Variants in CACNA1B observed in about 807,000 individuals in gnomAD.
The protein encoded by CACNA1B is calcium voltage-gated channel subunit alpha1 B.
In CACNA1B, 70 loss-of-function variants were observed where a neutral mutation model predicts 247.2. The ratio of observed to expected loss-of-function variants is 0.28; its 90% confidence interval spans 0.23 to 0.35. The LOEUF is 0.35. Among genes scored for constraint, CACNA1B ranks in the 10% least tolerant of loss-of-function variants. The pLI is 1.00. For synonymous variants in CACNA1B, 1,231 were observed against 1,294.4 expected (o/e 0.95, Z 1.05); for missense variants, 2,367 against 3,197.4 (o/e 0.74, Z 6.26).
Position 137,913,097 on chromosome 9 carries a change from G to A in CACNA1B, c.531-83G>A. 1 of 1,057,472 alleles carries A rather than the reference G, an allele frequency of 9.5e-7. No individual in the cohort carries two copies. The highest frequency in any genetic ancestry group is 1.4e-6 in the Non-Finnish European group (1 of 694,484). The allele number at this position is 1,057,472 out of a possible 1,614,324, so 65.5% of individuals were successfully genotyped here. On this transcript the variant is annotated intron_variant, in intron 3 of 46. Coordinates refer to ENST00000371372, the MANE Select transcript of CACNA1B (RefSeq NM_000718.4). This position sits in a 1 kb window ranked among gnomAD's most constrained non-coding sequence, Gnocchi z 5.2. ...AGGTGTCACTGCTCTTGGGAGACAT[G>A]ACCCTGGTGGTGGGAGGAGTGTGTC...
Position 138,020,285 on chromosome 9 carries a change from C to A in CACNA1B, c.2268-2726C>A, listed in dbSNP as rs1958828330. On this transcript the variant is annotated intron_variant, in intron 18 of 46. Transcript: ENST00000371372. The surrounding 1 kb of genome is among the most constrained non-coding windows in gnomAD (Gnocchi z 4.1). The stretch of plus-strand genomic sequence containing the variant: ...ACCCAGCTGAGCATGGCTGAGCCCT[C>A]CTCCCTGGAACAGCTGGGTTGTGCC... 6.6e-6 allele frequency among the ~76,000 whole-genome samples: 1 copy of A among 152,160 alleles called. No homozygotes were observed. The highest frequency in any genetic ancestry group is 1.5e-5 in the Non-Finnish European group (1 of 68,020).
At chr9:138,088,090 CA>C (rs1960759487) in intron 36 of CACNA1B, among the ~76,000 whole-genome samples, 1 of 151,874 alleles carries the variant, frequency 6.6e-6, no homozygotes, top group Non-Finnish European at 1.5e-5. Flanking sequence ...AAAATATAGC[CA>C]GGTGCGGTGG....
At chr9:137,969,330 C>T (rs924391479) in intron 10 of CACNA1B, among the ~76,000 whole-genome samples, 2 of 152,190 alleles carry the variant, frequency 1.3e-5, no homozygotes, top group Non-Finnish European at 2.9e-5. Context: ...TGTGCAAATA[C>T]GGCTGTTGGC....
In CACNA1B at chr9:138,059,003, C is replaced by T. The variant is rs1024553266; in HGVS notation, c.4474-76C>T. On this transcript the variant is annotated intron_variant, in intron 29 of 46. Coordinates refer to ENST00000371372, the MANE Select transcript of CACNA1B (RefSeq NM_000718.4). The surrounding 1 kb of genome is among the most constrained non-coding windows in gnomAD (Gnocchi z 4.2). ...CATCGAGTTCTGTCTGCCCGCTTTG[C>T]TTGGTCATAGTGGTCCCAGATGGGG... is the stretch of plus-strand genomic sequence containing the variant. The T allele has an allele frequency of 5.6e-6, 5 of 890,300 alleles. No individual in the cohort carries two copies. The highest frequency in any genetic ancestry group is 9.2e-6 in the Non-Finnish European group (5 of 541,694). 55.2% of individuals were successfully genotyped at this position (890,300 alleles called of 1,614,324 possible). A position where few individuals can be genotyped will look rare whatever the true frequency, so the allele number is the denominator to read the frequency against.
At chr9:137,984,507 T>C (rs979514805) in intron 13 of CACNA1B, among the ~76,000 whole-genome samples, 3 of 152,198 alleles carry the variant, frequency 2.0e-5, no homozygotes, top group African/African-American at 7.2e-5. Context: ...CGATTTCCCA[T>C]CGTCTCCTGT....
rs929400289 is a variant in CACNA1B, at chr9:137,974,634, A to C, written c.1544-1273A>C. On this transcript the variant is annotated intron_variant, in intron 11 of 46. Transcript: ENST00000371372. This position sits in a 1 kb window ranked among gnomAD's most constrained non-coding sequence, Gnocchi z 4.5. The stretch of plus-strand genomic sequence containing the variant: ...AGCCCTTGGTGGAGGAGATTTTAGG[A>C]GCATAGGGGTGGGAAGAGTGTGTGG... Among the ~76,000 whole-genome samples the C allele has an allele frequency of 2.0e-5, 3 of 151,922 alleles. No individual in the cohort carries two copies. Among genetic ancestry groups the C allele is most frequent in the African/African-American group, 7.3e-5 (3 of 41,348 alleles).
chr9:138,022,985 C>T (rs1171550529), intron 18 of CACNA1B, 26 bp from the exon 19 acceptor site: 5 of 1,465,806 alleles, frequency 3.4e-6, no homozygotes, highest in South Asian at 2.8e-5. Context: ...CAGACGGGGC[C>T]GCGCTCACCG....
chr9:138,045,103 AAGAGGGG>A (rs1028316617), intron 21 of CACNA1B, among the ~76,000 whole-genome samples: 5 of 152,232 alleles, frequency 3.3e-5, no homozygotes, highest in African/African-American at 1.2e-4. Context: ...AGTTAAGGTG[AAGAGGGG>A]AGAGGGGAGG....
rs1244656512 is a variant in CACNA1B, at chr9:137,950,814, A to G, written c.967-1460A>G. 2.0e-5 allele frequency among the ~76,000 whole-genome samples: 3 copies of G among 152,236 alleles called. No individual in the cohort carries two copies. Among genetic ancestry groups the G allele is most frequent in the African/African-American group, 7.2e-5 (3 of 41,460 alleles). ...CTAGCTAGTCTGCTCTATTTTCTCC[A>G]TCTTTCAGAGTCATTCTATATTTGC... On this transcript the variant is annotated intron_variant, in intron 6 of 46. Coordinates refer to ENST00000371372, the MANE Select transcript of CACNA1B (RefSeq NM_000718.4). The surrounding 1 kb of genome is among the most constrained non-coding windows in gnomAD (Gnocchi z 4.8).
At chr9:138,002,759 G>T (rs1362230566) in intron 15 of CACNA1B, among the ~76,000 whole-genome samples, 4 of 151,892 alleles carry the variant, frequency 2.6e-5, no homozygotes, top group Non-Finnish European at 5.9e-5. Flanking sequence ...ATCTTGGATG[G>T]AGAGAAATTT....
intron 37 of CACNA1B, among the ~76,000 whole-genome samples, chr9:138,099,563 G>A (rs763487069): frequency 4.7e-4 from 70 of 149,824 alleles, no homozygotes; most frequent in Middle Eastern, 3.5e-3. Context: ...GTGTGCCACC[G>A]TGGTGCGTAT....
At chr9:138,094,441 G>C (rs1391864120) in intron 36 of CACNA1B, among the ~76,000 whole-genome samples, 1 of 78,452 alleles carries the variant, frequency 1.3e-5, no homozygotes. Flanking sequence ...CTTTACTACA[G>C]TAAAAAAAAA....
intron 9 of CACNA1B, 40 bp downstream of exon 9, chr9:137,956,867 T>G (rs1266679036): frequency 6.4e-7 from 1 of 1,557,932 alleles, no homozygotes; most frequent in Non-Finnish European, 8.8e-7. Context: ...GGTGGAGTGC[T>G]CTGGTGGCCA....
chr9:137,883,164 C>G (rs1271984127), intron 3 of CACNA1B, among the ~76,000 whole-genome samples: 3 of 152,136 alleles, frequency 2.0e-5, no homozygotes, highest in Non-Finnish European at 4.4e-5. Flanking sequence ...GGGCCACCAG[C>G]TTCCATGGCT....
chr9:138,059,832 C>T lies in CACNA1B; in HGVS notation c.4668+95C>T. Reference sequence around the variant, plus strand: ...GCATCTCCAGGCCCTGTGTTAGCCTCTTCCTGGGTTCCGCAGAACCCCCTG... The same window carrying T: ...GCATCTCCAGGCCCTGTGTTAGCCTTTTCCTGGGTTCCGCAGAACCCCCTG... On this transcript the variant is annotated intron_variant, in intron 31 of 46. Coordinates refer to ENST00000371372, the MANE Select transcript of CACNA1B (RefSeq NM_000718.4). This position sits in a 1 kb window ranked among gnomAD's most constrained non-coding sequence, Gnocchi z 4.2. 1.3e-6 allele frequency: 1 copy of T among 758,638 alleles called. No individual in the cohort carries two copies. Among genetic ancestry groups the T allele is most frequent in the Non-Finnish European group, 2.3e-6 (1 of 426,502 alleles). The allele number at this position is 758,638 out of a possible 1,614,324, so 47.0% of individuals were successfully genotyped here. A position where few individuals can be genotyped will look rare whatever the true frequency, so the allele number is the denominator to read the frequency against.
intron 38 of CACNA1B, among the ~76,000 whole-genome samples, chr9:138,105,203 C>T (rs1173253891): frequency 6.6e-6 from 1 of 152,238 alleles, no homozygotes; most frequent in Non-Finnish European, 1.5e-5. Flanking sequence ...ACCAGGATGT[C>T]ACCTGTAGGG....
rs1959630098 is a variant in CACNA1B at position 138,059,289 on chromosome 9, C to G, written c.4584+100C>G. On this transcript the variant is annotated intron_variant, in intron 30 of 46. Transcript: ENST00000371372. This position sits in a 1 kb window ranked among gnomAD's most constrained non-coding sequence, Gnocchi z 4.2. ...GGCTCACAATTTGGAGCTGGGAATT[C>G]TCCGAGTACCCAGAGTATATGTAAT... 1.4e-6 allele frequency: 1 copy of G among 706,052 alleles called. No homozygotes were observed. Among genetic ancestry groups the G allele is most frequent in the African/African-American group, 1.7e-5 (1 of 57,168 alleles). 43.7% of individuals were successfully genotyped at this position (706,052 alleles called of 1,614,324 possible). A position where few individuals can be genotyped will look rare whatever the true frequency, so the allele number is the denominator to read the frequency against.
At chr9:138,105,587 G>C in intron 38 of CACNA1B, 112 bp from the exon 39 acceptor site, 1 of 655,590 alleles carries the variant, frequency 1.5e-6, no homozygotes, top group Non-Finnish European at 2.8e-6. Flanking sequence ...GCACCTGCAG[G>C]CACCACCACT....
intron 6 of CACNA1B, among the ~76,000 whole-genome samples, chr9:137,939,849 A>G (rs1453051395): frequency 1.5e-5 from 1 of 65,674 alleles, no homozygotes; most frequent in Admixed American, 1.1e-4. Flanking sequence ...TAAATAAATA[A>G]AAAAAAATAA....
Sources: gnomAD v4.1 joint callset for allele counts (sites outside exome capture counted in the v4.1 genomes callset) on GRCh38, gnomAD v4.1.1 for gene constraint, Gnocchi (gnomAD v3.1) non-coding constraint, MANE v1.5 for transcripts, NCBI Gene and HGNC (gene_info 2026-07-23, HGNC 2026-07-21) for gene names.